GRB10: variants seen among roughly 807,000 people sequenced by gnomAD.
The protein encoded by GRB10 is growth factor receptor-bound protein 10.
In GRB10, 20 loss-of-function variants were observed where a neutral mutation model predicts 80.9. The ratio of observed to expected loss-of-function variants is 0.25; its 90% CI spans 0.17 to 0.36. The LOEUF is 0.36. Among genes scored for constraint, GRB10 ranks in the 10% least tolerant of loss-of-function variants. GRB10 has a pLI of 1.00. For synonymous variants in GRB10, 291 were observed against 291.5 expected (o/e 1.00, Z 0.02); for missense variants, 548 against 747.7 (o/e 0.73, Z 3.12).
Position 50,606,526 on chromosome 7 carries a change from C to T in GRB10, c.1195-112G>A, listed in dbSNP as rs1272895749. Reference sequence around the variant, plus strand: ...TTGAGTGCGGAACAGGGAGTGATGCCCTGTACCAGCCTCCAGGAGCCTGAG... The same window carrying T: ...TTGAGTGCGGAACAGGGAGTGATGCTCTGTACCAGCCTCCAGGAGCCTGAG... On this transcript the variant is annotated intron_variant, in intron 13 of 18. Coordinates refer to ENST00000401949, the MANE Select transcript of GRB10 (RefSeq NM_001350814.2). 5.2e-6 allele frequency: 4 copies of T among 774,314 alleles called. No homozygotes were observed. In the Admixed American group the frequency reaches 5.6e-5, roughly 11 times the overall value. 48.0% of individuals were successfully genotyped at this position (774,314 alleles called of 1,614,324 possible). A position where few individuals can be genotyped will look rare whatever the true frequency, so the allele number is the denominator to read the frequency against.
intron 7 of GRB10, among the ~76,000 whole-genome samples, chr7:50,636,237 CCAAAGTGCTGGGATTA>C (rs2055000550): frequency 6.6e-6 from 1 of 152,092 alleles, no homozygotes; most frequent in Non-Finnish European, 1.5e-5. Flanking sequence ...CCTCAGCCTC[CCAAAGTGCTGGGATTA>C]CAGGTGTGAG....
intron 3 of GRB10, among the ~76,000 whole-genome samples, chr7:50,750,858 C>T (rs2153700998): frequency 6.6e-6 from 1 of 152,304 alleles, no homozygotes; most frequent in Middle Eastern, 3.4e-3. Context: ...AGATAACTCA[C>T]CACTGGTCAG....
At chr7:50,652,461 T>A (rs1416502755) in intron 7 of GRB10, among the ~76,000 whole-genome samples, 3 of 151,924 alleles carry the variant, frequency 2.0e-5, no homozygotes, top group African/African-American at 7.3e-5. Flanking sequence ...CCAAAGAGGG[T>A]GGACACAGAA....
chr7:50,762,110 T>A (rs1373875428), intron 2 of GRB10: 1 of 151,912 alleles, frequency 6.6e-6, no homozygotes, highest in Non-Finnish European at 1.5e-5. Flanking sequence ...TAATACACCG[T>A]CACTATTTAC....
At chr7:50,732,131 G>C (rs1297438781) in intron 4 of GRB10, 141 bp downstream of exon 4, 1 of 835,428 alleles carries the variant, frequency 1.2e-6, no homozygotes, top group Non-Finnish European at 2.0e-6. Flanking sequence ...CTGCACCATG[G>C]GACTTGTCAC....
intron 11 of GRB10, among the ~76,000 whole-genome samples, chr7:50,615,760 T>C (rs1262351306): frequency 6.6e-6 from 1 of 152,238 alleles, no homozygotes; most frequent in African/African-American, 2.4e-5. Flanking sequence ...CTGCAGCTGT[T>C]TTCCATCTCC....
intron 2 of GRB10, among the ~76,000 whole-genome samples, chr7:50,768,858 G>C (rs897958378): frequency 2.0e-5 from 3 of 152,210 alleles, no homozygotes; most frequent in African/African-American, 7.2e-5. Flanking sequence ...GGTAACTTTA[G>C]TTCTAGCTAT....
At chr7:50,641,412 T>C (rs2056239248) in intron 7 of GRB10, among the ~76,000 whole-genome samples, 1 of 152,088 alleles carries the variant, frequency 6.6e-6, no homozygotes, top group Non-Finnish European at 1.5e-5. Flanking sequence ...TCTACTGGAG[T>C]GTGCTTAGGG....
intron 16 of GRB10, 23 bp downstream of exon 16, chr7:50,604,288 A>G: frequency 6.3e-7 from 1 of 1,593,984 alleles, no homozygotes; most frequent in Non-Finnish European, 8.6e-7. Flanking sequence ...GTACAAAAAC[A>G]TCAGGCAATG....
intron 5 of GRB10, among the ~76,000 whole-genome samples, chr7:50,700,058 G>A (rs971942758): frequency 5.3e-5 from 8 of 151,918 alleles, no homozygotes; most frequent in African/African-American, 1.2e-4. Context: ...AGAATGGCAC[G>A]AACCCAGGTG....
chr7:50,598,678 A>C (rs76371396), intron 17 of GRB10, among the ~76,000 whole-genome samples: 1 of 152,196 alleles, frequency 6.6e-6, no homozygotes, highest in Non-Finnish European at 1.5e-5. Context: ...ACAGCCAGTC[A>C]TGGAGGAGTT....
intron 7 of GRB10, among the ~76,000 whole-genome samples, chr7:50,637,204 T>C (rs2055217543): frequency 6.6e-6 from 1 of 152,180 alleles, no homozygotes; most frequent in South Asian, 2.1e-4. Context: ...CTCGAACTCC[T>C]GGACTCACCC....
chr7:50,727,639 C>T (rs576805386), intron 4 of GRB10, among the ~76,000 whole-genome samples: 15 of 152,132 alleles, frequency 9.9e-5, no homozygotes, highest in Non-Finnish European at 1.6e-4. Context: ...AAACCAAATG[C>T]CATCTATTTG....
At chr7:50,791,188 CATA>C (rs917563354) in intron 1 of GRB10, among the ~76,000 whole-genome samples, 1 of 152,202 alleles carries the variant, frequency 6.6e-6, no homozygotes, top group African/African-American at 2.4e-5. Flanking sequence ...TTACAGTAAA[CATA>C]ACTACCACAT....
At chr7:50,652,156 G>T (rs570262054) in intron 7 of GRB10, among the ~76,000 whole-genome samples, 2 of 152,334 alleles carry the variant, frequency 1.3e-5, no homozygotes, top group African/African-American at 4.8e-5. Flanking sequence ...TGATTCAGTG[G>T]CTGAGACAAT....
chr7:50,745,024 T>C (rs1003604865), intron 3 of GRB10, among the ~76,000 whole-genome samples: 1 of 152,206 alleles, frequency 6.6e-6, no homozygotes, highest in Non-Finnish European at 1.5e-5. Context: ...AACAGCCTAG[T>C]CTTCTACATA....
intron 17 of GRB10, among the ~76,000 whole-genome samples, chr7:50,600,508 A>G (rs1024769934): frequency 6.6e-6 from 1 of 152,182 alleles, no homozygotes; most frequent in African/African-American, 2.4e-5. Flanking sequence ...CCAAACAAAG[A>G]CCAAAAATGA....
At chr7:50,756,588 G>A (rs1471550656) in intron 2 of GRB10, among the ~76,000 whole-genome samples, 3 of 152,210 alleles carry the variant, frequency 2.0e-5, no homozygotes, top group African/African-American at 7.2e-5. Context: ...CAGACCTGGG[G>A]TTCCAATTCT....
intron 2 of GRB10, among the ~76,000 whole-genome samples, chr7:50,778,048 G>A (rs2077886165): frequency 6.6e-6 from 1 of 151,932 alleles, no homozygotes; most frequent in African/African-American, 2.4e-5. Context: ...TAGCAAACCT[G>A]CACGTTCTAC....
Sources: allele counts gnomAD v4.1 joint callset (sites outside exome capture counted in the v4.1 genomes callset), GRCh38; gene constraint gnomAD v4.1.1; transcripts MANE v1.5; gene names NCBI Gene and HGNC (gene_info 2026-07-23, HGNC 2026-07-21).